Variants in PBRM1 observed in about 807,000 individuals in gnomAD.
The protein encoded by PBRM1 is protein polybromo-1.
A neutral mutation model predicts 194.5 loss-of-function variants in PBRM1; 27 were observed. The observed-to-expected ratio is 0.14, with a 90% CI of 0.10 to 0.19. PBRM1 has a LOEUF of 0.19. PBRM1 is among the 10% of genes least tolerant of loss of function. PBRM1 has a pLI of 1.00. For synonymous variants in PBRM1, 655 were observed against 693.2 expected (o/e 0.94, Z 0.87); for missense variants, 1,466 against 2,077.2 (o/e 0.71, Z 5.72).
chr3:52,683,581 A>G (rs2097252092), upstream of PBRM1, among the ~76,000 whole-genome samples: 1 of 152,034 alleles, frequency 6.6e-6, no homozygotes, highest in South Asian at 2.1e-4. Context: ...TAGGAGGCTG[A>G]GGTGGGCAGA....
At chr3:52,675,343 G>A (rs2097074488) in intron 2 of PBRM1, among the ~76,000 whole-genome samples, 1 of 152,126 alleles carries the variant, frequency 6.6e-6, no homozygotes, top group South Asian at 2.1e-4. Context: ...GAAGAGGCGA[G>A]GTCACGTCCT....
chr3:52,554,595 C>T, intron 27 of PBRM1, 129 bp downstream of exon 29: 2 of 728,300 alleles, frequency 2.7e-6, no homozygotes, highest in Non-Finnish European at 4.4e-6. Flanking sequence ...CTGCTGACAA[C>T]CTTTGGATTC....
intron 13 of PBRM1, among the ~76,000 whole-genome samples, chr3:52,620,958 CATT>C (rs767986285): frequency 5.9e-5 from 9 of 152,128 alleles, no homozygotes; most frequent in Non-Finnish European, 1.3e-4. Flanking sequence ...GCCACTGGCC[CATT>C]AGTTTTAATC....
intron 17 of PBRM1, among the ~76,000 whole-genome samples, chr3:52,602,665 C>T (rs2094087447): frequency 6.6e-6 from 1 of 152,166 alleles, no homozygotes; most frequent in South Asian, 2.1e-4. Context: ...TCATAGATTC[C>T]CCTCTCCCCT....
intron 27 of PBRM1, among the ~76,000 whole-genome samples, chr3:52,553,663 C>CTTTT (rs71084188): frequency 1.7e-5 from 2 of 119,420 alleles, no homozygotes; most frequent in Non-Finnish European, 3.4e-5. Context: ...CTAATTTTTC[C>CTTTT]TTTTTTTTTT....
intron 27 of PBRM1, among the ~76,000 whole-genome samples, chr3:52,553,873 G>A (rs533434784): frequency 1.3e-5 from 2 of 152,144 alleles, no homozygotes; most frequent in South Asian, 4.1e-4. Flanking sequence ...TATTGGCCAG[G>A]CTGGTCTCGA....
intron 16 of PBRM1, among the ~76,000 whole-genome samples, chr3:52,606,995 G>A (rs1352720784): frequency 6.6e-6 from 1 of 152,210 alleles, no homozygotes; most frequent in Non-Finnish European, 1.5e-5. Context: ...TTGGGTAGCA[G>A]TGGTGGGTAG....
chr3:52,589,520 A>G (rs2092798425), intron 17 of PBRM1, among the ~76,000 whole-genome samples: 1 of 152,242 alleles, frequency 6.6e-6, no homozygotes, highest in African/African-American at 2.4e-5. Flanking sequence ...ACATCACCTT[A>G]CTAATATATG....
chr3:52,556,809 G>A (rs1399619227), intron 26 of PBRM1, among the ~76,000 whole-genome samples: 1 of 152,094 alleles, frequency 6.6e-6, no homozygotes, highest in Non-Finnish European at 1.5e-5. Flanking sequence ...CCAGGGCCCA[G>A]AAGTCTAGCC....
intron 22 of PBRM1, among the ~76,000 whole-genome samples, chr3:52,566,805 G>C (rs527698841): frequency 1.1e-4 from 17 of 152,238 alleles, no homozygotes; most frequent in Admixed American, 8.5e-4. Flanking sequence ...GTTAAGGCTG[G>C]GCGTGGTAAT....
intron 10 of PBRM1, among the ~76,000 whole-genome samples, chr3:52,636,244 C>T (rs1279243514): frequency 6.6e-6 from 1 of 152,090 alleles, no homozygotes; most frequent in Non-Finnish European, 1.5e-5. Context: ...TTAAAACATC[C>T]CCCAGGACTA....
chr3:52,580,560 C>CA (rs2090896006), intron 20 of PBRM1, among the ~76,000 whole-genome samples: 2 of 152,046 alleles, frequency 1.3e-5, no homozygotes, highest in African/African-American at 4.8e-5. Flanking sequence ...GACGGGGTTT[C>CA]ACTGTGTTAG....
At chr3:52,679,821 G>T, upstream of PBRM1, 2 of 896,386 alleles carry the variant, frequency 2.2e-6, no homozygotes, top group Non-Finnish European at 1.6e-6. Context: ...GGCTCACTTA[G>T]GAGGATATTT....
chr3:52,545,915 C>T (rs2079622032), downstream of PBRM1: 2 of 232,788 alleles, frequency 8.6e-6, no homozygotes, highest in Admixed American at 5.6e-5. Context: ...ACGATATCCC[C>T]CAAGTTAATA....
intron 2 of PBRM1, among the ~76,000 whole-genome samples, chr3:52,675,684 T>C (rs1231261911): frequency 2.0e-5 from 3 of 152,094 alleles, no homozygotes; most frequent in African/African-American, 4.8e-5. Flanking sequence ...CAGGGACCAA[T>C]GGAATAGAAT....
intron 27 of PBRM1, among the ~76,000 whole-genome samples, chr3:52,552,478 A>T (rs1190043362): frequency 6.6e-6 from 1 of 152,100 alleles, no homozygotes; most frequent in African/African-American, 2.4e-5. Context: ...ATGGGGTTTC[A>T]CCATGTTGCC....
chr3:52,634,852 T>G (rs750912949), intron 10 of PBRM1, 37 bp from the exon 12 acceptor site: 5 of 1,402,736 alleles, frequency 3.6e-6, no homozygotes, highest in Non-Finnish European at 5.0e-6. Flanking sequence ...AAGGGACGAA[T>G]GAGATGAAGA....
At chr3:52,562,327 A>G (rs1381491127) in intron 24 of PBRM1, among the ~76,000 whole-genome samples, 5 of 1,302 alleles carry the variant, frequency 3.8e-3, no homozygotes, top group Middle Eastern at 0.5. Flanking sequence ...ACTCTGTCTC[A>G]AAAAAAAAAA....
At chr3:52,603,489 T>C in intron 17 of PBRM1, 32 bp downstream of exon 19, 1 of 1,573,326 alleles carries the variant, frequency 6.4e-7, no homozygotes, top group Non-Finnish European at 8.6e-7. Flanking sequence ...CAGTGCATTT[T>C]TTCATATTCA....
Sources: gnomAD v4.1 joint callset for allele counts (sites outside exome capture counted in the v4.1 genomes callset) on GRCh38, gnomAD v4.1.1 for gene constraint, MANE v1.5 for transcripts, NCBI Gene and HGNC (gene_info 2026-07-23, HGNC 2026-07-21) for gene names.